Variants in KCNMA1 observed in about 807,000 individuals in gnomAD.
KCNMA1 encodes Calcium-activated potassium channel subunit alpha-1.
KCNMA1 carries 29 observed loss-of-function variants against 140.0 expected under a neutral mutation model. The ratio of observed to expected loss-of-function variants is 0.21; its 90% confidence interval spans 0.15 to 0.28. The LOEUF is 0.28. Among genes scored for constraint, KCNMA1 ranks in the 10% least tolerant of loss-of-function variants. KCNMA1 has a pLI of 1.00. For missense variants in KCNMA1, 880 were observed against 1,602.2 expected, an observed-to-expected ratio of 0.55 and a Z score of 7.70; for synonymous variants, 612 against 611.9, an observed-to-expected ratio of 1.00 and a Z score of 0.00.
At chr10:77,532,145 TG>T (rs1407005571) in intron 1 of KCNMA1, among the ~76,000 whole-genome samples, 1 of 152,114 alleles carries the variant, frequency 6.6e-6, no homozygotes, top group Non-Finnish European at 1.5e-5. Flanking sequence ...AAGCAGCAAC[TG>T]GGGGGAAAAT....
At chr10:76,990,130 A>G (rs939741299) in intron 19 of KCNMA1, among the ~76,000 whole-genome samples, 9 of 152,228 alleles carry the variant, frequency 5.9e-5, no homozygotes, top group African/African-American at 1.9e-4. Flanking sequence ...TCAAAGTCAC[A>G]TGGTAGTAGG....
chr10:77,275,823 C>T (rs544989251), intron 2 of KCNMA1, among the ~76,000 whole-genome samples: 1 of 152,270 alleles, frequency 6.6e-6, no homozygotes, highest in East Asian at 1.9e-4. Context: ...CAAGGGAGGC[C>T]CAGCCCCAGC....
chr10:77,076,780 G>C (rs1283392869), intron 13 of KCNMA1, among the ~76,000 whole-genome samples: 6 of 152,192 alleles, frequency 3.9e-5, no homozygotes, highest in Admixed American at 2.0e-4. Flanking sequence ...GACAAACTCA[G>C]GGCCAGTTTT....
At chr10:77,598,200 A>G (rs2081489956) in intron 1 of KCNMA1, among the ~76,000 whole-genome samples, 1 of 152,022 alleles carries the variant, frequency 6.6e-6, no homozygotes, top group Admixed American at 6.6e-5. Context: ...TGAATTCATG[A>G]CCTCAAGTGA....
chr10:77,147,611 A>C (rs564797816), intron 5 of KCNMA1: 1 of 152,310 alleles, frequency 6.6e-6, no homozygotes, highest in South Asian at 2.1e-4. Context: ...ATTGGAGACA[A>C]GTGAATCTAA....
chr10:77,074,694 A>T (rs1192789948), intron 13 of KCNMA1, among the ~76,000 whole-genome samples: 1 of 152,240 alleles, frequency 6.6e-6, no homozygotes, highest in Non-Finnish European at 1.5e-5. Flanking sequence ...TTTGTCTACC[A>T]AACGGAGAAG....
chr10:77,387,335 C>T (rs1337692158), intron 2 of KCNMA1, among the ~76,000 whole-genome samples: 2 of 152,134 alleles, frequency 1.3e-5, no homozygotes, highest in African/African-American at 4.8e-5. Flanking sequence ...GCTGGGGTAT[C>T]AAATACTAGA....
chr10:77,132,405 A>C (rs1202908551), intron 5 of KCNMA1, among the ~76,000 whole-genome samples: 1 of 152,182 alleles, frequency 6.6e-6, no homozygotes, highest in Admixed American at 6.5e-5. Context: ...TGCCAGAAGG[A>C]AAAAATGAAG....
At chr10:76,968,266 C>T (rs2074736494) in intron 20 of KCNMA1, among the ~76,000 whole-genome samples, 1 of 152,120 alleles carries the variant, frequency 6.6e-6, no homozygotes, top group South Asian at 2.1e-4. Context: ...AAAAAGCCTC[C>T]ACCTCATACA....
At chr10:77,590,207 C>A (rs988393323) in intron 1 of KCNMA1, among the ~76,000 whole-genome samples, 2 of 152,270 alleles carry the variant, frequency 1.3e-5, no homozygotes, top group Admixed American at 6.5e-5. Context: ...CTCAGGAGCC[C>A]AGCTGGCTTC....
intron 1 of KCNMA1, among the ~76,000 whole-genome samples, chr10:77,420,129 G>A (rs1369805185): frequency 6.6e-6 from 1 of 152,218 alleles, no homozygotes; most frequent in Non-Finnish European, 1.5e-5. Context: ...CTGCTGCCCT[G>A]CTGATCCACT....
At chr10:76,907,206 T>G (rs1164800086) in intron 25 of KCNMA1, among the ~76,000 whole-genome samples, 1 of 152,190 alleles carries the variant, frequency 6.6e-6, no homozygotes, top group Non-Finnish European at 1.5e-5. Context: ...CATCCAAACA[T>G]GCCTTAGTCA....
At chr10:77,503,067 C>A (rs1294578791) in intron 1 of KCNMA1, among the ~76,000 whole-genome samples, 2 of 152,102 alleles carry the variant, frequency 1.3e-5, no homozygotes, top group African/African-American at 2.4e-5. Context: ...GCCTAGGCAA[C>A]ATAGCTAGAT....
At chr10:77,545,263 C>T (rs541462190) in intron 1 of KCNMA1, among the ~76,000 whole-genome samples, 6 of 152,074 alleles carry the variant, frequency 3.9e-5, no homozygotes, top group African/African-American at 7.2e-5. Context: ...ATGTCTGACA[C>T]GGAAATGTAT....
chr10:77,114,197 C>T (rs964068143), intron 6 of KCNMA1, among the ~76,000 whole-genome samples: 2 of 152,196 alleles, frequency 1.3e-5, no homozygotes, highest in Non-Finnish European at 2.9e-5. Flanking sequence ...TTAGCATTCA[C>T]TGGTGTTCCT....
At chr10:77,546,196 A>G (rs1022996082) in intron 1 of KCNMA1, among the ~76,000 whole-genome samples, 3 of 152,098 alleles carry the variant, frequency 2.0e-5, no homozygotes, top group Non-Finnish European at 4.4e-5. Flanking sequence ...CTGTGATCAC[A>G]CACTTTCATC....
intron 1 of KCNMA1, among the ~76,000 whole-genome samples, chr10:77,410,653 C>A (rs115148768): frequency 0.011 from 1,716 of 152,352 alleles, 27 homozygotes; most frequent in African/African-American, 0.039. Context: ...GAAGTCTTCA[C>A]ACCCAATCAG....
intron 2 of KCNMA1, among the ~76,000 whole-genome samples, chr10:77,295,538 T>C (rs2074692393): frequency 6.6e-6 from 1 of 151,722 alleles, no homozygotes; most frequent in Admixed American, 6.6e-5. Flanking sequence ...TCCCAGCACT[T>C]TGGGAGGCCG....
Position 77,113,570 on chromosome 10 carries a change from T to C in KCNMA1, c.885-1128A>G, listed in dbSNP as rs193239273. Among the ~76,000 whole-genome samples, 1,228 of 152,230 alleles carry C rather than the reference T, an allele frequency of 8.1e-3. 17 individuals are homozygous for C. Among genetic ancestry groups the C allele is most frequent in the African/African-American group, 0.028 (1,152 of 41,526 alleles). ...CCTCTGCCTGCCAGGTTCAAGCAATTCTCCTGCCTTAGCCTCCCGAGTAGC... is the reference window on the plus strand; with the variant it reads ...CCTCTGCCTGCCAGGTTCAAGCAATCCTCCTGCCTTAGCCTCCCGAGTAGC... On this transcript the variant is annotated intron_variant, in intron 6 of 27. Transcript: ENST00000286628.
Sources: gnomAD v4.1 joint callset for allele counts (sites outside exome capture counted in the v4.1 genomes callset) on GRCh38, gnomAD v4.1.1 for gene constraint, MANE v1.5 for transcripts, NCBI Gene and HGNC (gene_info 2026-07-23, HGNC 2026-07-21) for gene names.